SESN3: variants seen among roughly 807,000 people sequenced by gnomAD.
The protein encoded by SESN3 is sestrin 3.
Under a neutral mutation model 55.3 loss-of-function variants are expected in SESN3, and 21 were observed. The observed-to-expected ratio is 0.38, with a 90% CI of 0.27 to 0.55. The LOEUF (loss-of-function observed/expected upper bound fraction) is 0.55, where lower values mean the gene tolerates loss of function less well. SESN3 is among the 20% of genes least tolerant of loss of function. The probability of loss-of-function intolerance (pLI) is 0.76; values close to 1 mark genes in which losing one functional copy is unlikely to be tolerated. For synonymous variants in SESN3, 181 were observed against 203.1 expected (o/e 0.89, Z 0.93); for missense variants, 408 against 604.3 (o/e 0.68, Z 3.41).
intron 1 of SESN3, among the ~76,000 whole-genome samples, chr11:95,223,721 T>C (rs1177227044): frequency 1.3e-5 from 2 of 152,180 alleles, no homozygotes; most frequent in Non-Finnish European, 2.9e-5. Context: ...ATTTTCCCCA[T>C]AGAATTACAC....
intron 1 of SESN3, among the ~76,000 whole-genome samples, chr11:95,218,802 C>T (rs1434545669): frequency 6.6e-6 from 1 of 152,156 alleles, no homozygotes; most frequent in Non-Finnish European, 1.5e-5. Flanking sequence ...AGGCGCCCAC[C>T]ACCAAGCCCG....
chr11:95,181,209 C>T (rs1235264341), intron 6 of SESN3, among the ~76,000 whole-genome samples: 1 of 151,888 alleles, frequency 6.6e-6, no homozygotes, highest in Non-Finnish European at 1.5e-5. Flanking sequence ...TTGTTTTGCT[C>T]ATATACATTT....
At chr11:95,188,096 T>C (rs1860200210) in intron 4 of SESN3, among the ~76,000 whole-genome samples, 1 of 151,720 alleles carries the variant, frequency 6.6e-6, no homozygotes, top group South Asian at 2.1e-4. Context: ...CTGTAATTTA[T>C]CTTCTAAATC....
rs1312934089 is a variant in SESN3 at position 95,166,813 on chromosome 11, A to C, written c.*6442T>G. 1 of 152,208 alleles carries C rather than the reference A, an allele frequency of 6.6e-6. No homozygotes were observed. The highest frequency in any genetic ancestry group is 6.5e-5 in the Admixed American group (1 of 15,274). The allele number at this position is 152,208 out of a possible 1,614,324, so 9.4% of individuals were successfully genotyped here. A position where few individuals can be genotyped will look rare whatever the true frequency, so the allele number is the denominator to read the frequency against. Reference sequence around the variant, plus strand: ...TCTATGTCTCTTATTTTGGGTTGAAAAGAGTAAATGTGAAGAGAAAGAGGA... The same window carrying C: ...TCTATGTCTCTTATTTTGGGTTGAACAGAGTAAATGTGAAGAGAAAGAGGA... On this transcript the variant is annotated 3_prime_UTR_variant, in exon 10 of 10. Coordinates refer to ENST00000536441, the MANE Select transcript of SESN3 (RefSeq NM_144665.4).
rs185941129 is a variant in SESN3, at chr11:95,201,785, G to C, written c.79-8263C>G. 2.0e-5 allele frequency among the ~76,000 whole-genome samples: 3 copies of C among 152,188 alleles called. No homozygotes were observed. In the East Asian group the frequency reaches 5.8e-4, roughly 29 times the overall value. ...CATGTCCAGTGTCACCCAGAGGCAA[G>C]TGACAAAGAACACACTTTTTCCACT... On this transcript the variant is annotated intron_variant, in intron 1 of 9. Coordinates refer to ENST00000536441, the MANE Select transcript of SESN3 (RefSeq NM_144665.4).
rs1859743848 is a variant in SESN3 at position 95,166,206 on chromosome 11, A to G, written c.*7049T>C. The G allele has an allele frequency of 6.6e-6, 1 of 152,078 alleles. No individual in the cohort carries two copies. The highest frequency in any genetic ancestry group is 1.9e-4 in the East Asian group (1 of 5,198). 9.4% of individuals were successfully genotyped at this position (152,078 alleles called of 1,614,324 possible). ...ACCTTATAGAGTAAGAGACTGATAT[A>G]TATAGCAGTCTTAAAGATCACGTCA... On this transcript the variant is annotated 3_prime_UTR_variant, in exon 10 of 10. Transcript: ENST00000536441.
intron 1 of SESN3, among the ~76,000 whole-genome samples, chr11:95,196,078 T>C (rs1343878911): frequency 2.0e-5 from 3 of 152,182 alleles, no homozygotes. Context: ...AGATAAAATA[T>C]GGCCCGACCT....
At chr11:95,218,340 C>T (rs1162128668) in intron 1 of SESN3, among the ~76,000 whole-genome samples, 1 of 152,334 alleles carries the variant, frequency 6.6e-6, no homozygotes, top group South Asian at 2.1e-4. Context: ...GAGACCCAGG[C>T]ATAAGTTGCA....
rs991018777 is a variant in SESN3, at chr11:95,175,474, A to G, written c.1392+24T>C. 18 of 1,597,838 alleles carry G rather than the reference A, an allele frequency of 1.1e-5. No homozygotes were observed. In the Middle Eastern group the frequency reaches 5.0e-4, roughly 44 times the overall value. On this transcript the variant is annotated intron_variant, in intron 9 of 9. Coordinates refer to ENST00000536441, the MANE Select transcript of SESN3 (RefSeq NM_144665.4). Reference sequence around the variant, plus strand: ...TGTACTGAAGAACTGTCTATGGTATAATGCTTAATACTGAAACACGTACTT... The same window carrying G: ...TGTACTGAAGAACTGTCTATGGTATGATGCTTAATACTGAAACACGTACTT...
intron 1 of SESN3, among the ~76,000 whole-genome samples, chr11:95,198,851 TTGTTCAGCTGCTAG>T (rs1457690058): frequency 1.3e-5 from 2 of 152,166 alleles, no homozygotes; most frequent in Non-Finnish European, 2.9e-5. Flanking sequence ...CTTTGTAATA[TTGTTCAGCTGCTAG>T]GATAATGCAA....
At chr11:95,218,647 CTTTTTTTTTT>C (rs68150878) in intron 1 of SESN3, among the ~76,000 whole-genome samples, 2 of 122,060 alleles carry the variant, frequency 1.6e-5, no homozygotes, top group Admixed American at 1.8e-4. Context: ...GATTTACCCT[CTTTTTTTTTT>C]TTTTTTTTTT....
chr11:95,176,977 A>C (rs1485549153), intron 8 of SESN3, among the ~76,000 whole-genome samples: 3 of 152,200 alleles, frequency 2.0e-5, no homozygotes, highest in Non-Finnish European at 2.9e-5. Flanking sequence ...CTAAAATTAT[A>C]GAAAATACTT....
chr11:95,192,391 T>C (rs1479847638), intron 2 of SESN3, among the ~76,000 whole-genome samples: 6 of 152,072 alleles, frequency 3.9e-5, no homozygotes, highest in Admixed American at 3.9e-4. Flanking sequence ...TTAATGGACA[T>C]GAGATGCATA....
intron 1 of SESN3, among the ~76,000 whole-genome samples, chr11:95,213,592 G>T (rs1027647926): frequency 6.6e-6 from 1 of 152,094 alleles, no homozygotes. Flanking sequence ...AAATAGGATA[G>T]GTGATCTGTA....
At chr11:95,215,175 G>A (rs529767129) in intron 1 of SESN3, among the ~76,000 whole-genome samples, 39 of 149,648 alleles carry the variant, frequency 2.6e-4, no homozygotes, top group African/African-American at 7.6e-4. Context: ...AATTCTTAGA[G>A]TATTAGAATC....
intron 4 of SESN3, among the ~76,000 whole-genome samples, chr11:95,188,296 T>G (rs958781072): frequency 4.0e-5 from 6 of 151,576 alleles, no homozygotes; most frequent in Admixed American, 6.6e-5. Context: ...TATAGAATAT[T>G]TATATATGTG....
chr11:95,190,851 C>A lies in SESN3; in HGVS notation c.342+553G>T, dbSNP rs75083524. ...CTTCTTTTTCTCCATTAAAGTCCGA[C>A]ACACACAAAACTTTATAATTCTCCT... is the stretch of plus-strand genomic sequence containing the variant. On this transcript the variant is annotated intron_variant, in intron 3 of 9. Transcript: ENST00000536441. Among the ~76,000 whole-genome samples, 926 of 152,076 alleles carry A rather than the reference C, an allele frequency of 6.1e-3. 5 individuals carry two copies. Among genetic ancestry groups the A allele is most frequent in the Middle Eastern group, 0.027 (8 of 294 alleles).
At position 95,173,191 on chromosome 11, in the gene SESN3, G is replaced by A. The variant is rs1042224591; in HGVS notation, c.*64C>T. On this transcript the variant is annotated 3_prime_UTR_variant, in exon 10 of 10. Transcript: ENST00000536441. ...AATTTTTGATGCTATATCACAAATA[G>A]CTTCAATGTTTATCTTATGTGAAAG... is the stretch of plus-strand genomic sequence containing the variant. 1.1e-6 allele frequency: 1 copy of A among 923,430 alleles called. No individual in the cohort carries two copies. The allele number at this position is 923,430 out of a possible 1,614,324, so 57.2% of individuals were successfully genotyped here. A position where few individuals can be genotyped will look rare whatever the true frequency, so the allele number is the denominator to read the frequency against.
chr11:95,226,082 C>G (rs1860943582), intron 1 of SESN3, among the ~76,000 whole-genome samples: 1 of 151,256 alleles, frequency 6.6e-6, no homozygotes, highest in Non-Finnish European at 1.5e-5. Flanking sequence ...ATCTTTACCT[C>G]TCATTTACAG....
Sources: gnomAD v4.1 joint callset for allele counts (sites outside exome capture counted in the v4.1 genomes callset) on GRCh38, gnomAD v4.1.1 for gene constraint, MANE v1.5 for transcripts, NCBI Gene and HGNC (gene_info 2026-07-23, HGNC 2026-07-21) for gene names.